Variants in UGT1A7 observed in about 807,000 individuals in gnomAD.
The protein encoded by UGT1A7 is UDP glucuronosyltransferase family 1 member A7, also known as UDP-glucuronosyltransferase 1A7.
UGT1A7 carries 33 observed loss-of-function variants against 45.6 expected under a neutral mutation model. The ratio of observed to expected loss-of-function variants is 0.72; its 90% CI spans 0.55 to 0.97. The LOEUF (loss-of-function observed/expected upper bound fraction) is 0.97, where lower values mean the gene tolerates loss of function less well. UGT1A7 is among the 50% of genes least tolerant of loss of function. The probability of loss-of-function intolerance (pLI) is 0.00; values close to 1 mark genes in which losing one functional copy is unlikely to be tolerated. For synonymous variants in UGT1A7, 274 were observed against 250.6 expected, an observed-to-expected ratio of 1.09 and a Z score of -0.88; for missense variants, 684 against 666.2, an observed-to-expected ratio of 1.03 and a Z score of -0.29.
intron 1 of UGT1A7, chr2:233,693,591 A>T: frequency 6.2e-7 from 1 of 1,614,232 alleles, no homozygotes; most frequent in Non-Finnish European, 8.5e-7. Context: ...CCCAGGTGCT[A>T]CACAAAGTTT....
Position 233,682,122 on chromosome 2 carries a change from T to C in UGT1A7, c.185T>C (p.Val62Ala). The change falls in exon 1 of 5, where the codon GTG becomes GCG. Residue 62 changes from valine (V) to alanine (A), a missense_variant. Coordinates refer to ENST00000373426, the MANE Select transcript of UGT1A7 (RefSeq NM_019077.3). Reference protein sequence around the residue: ...GHEVVVVMPEVSWQLGRSLNC... With the variant: ...GHEVVVVMPEASWQLGRSLNC... Reference sequence around the variant, plus strand: ...GAGGTGGTCGTAGTCATGCCAGAGGTGAGTTGGCAACTGGGAAGATCACTG... The same window carrying C: ...GAGGTGGTCGTAGTCATGCCAGAGGCGAGTTGGCAACTGGGAAGATCACTG... 6.2e-7 allele frequency: 1 copy of C among 1,614,094 alleles called. No individual in the cohort carries two copies. The highest frequency in any genetic ancestry group is 8.5e-7 in the Non-Finnish European group (1 of 1,180,008).
intron 1 of UGT1A7, chr2:233,690,819 A>T: frequency 9.3e-7 from 1 of 1,070,628 alleles, no homozygotes; most frequent in Non-Finnish European, 1.1e-6. Context: ...GTACAGTCAA[A>T]GCTCACAGGA....
At chr2:233,713,274 G>A in intron 1 of UGT1A7, 1 of 1,614,182 alleles carries the variant, frequency 6.2e-7, no homozygotes, top group Non-Finnish European at 8.5e-7. Flanking sequence ...CCTTTTGCTG[G>A]GTCACACTCA....
intron 1 of UGT1A7, among the ~76,000 whole-genome samples, chr2:233,765,026 C>T (rs2741015): frequency 2.6e-5 from 4 of 151,980 alleles, no homozygotes; most frequent in Admixed American, 2.0e-4. Context: ...TGGCAGGAGT[C>T]CTGCTGTGCA....
Position 233,682,616 on chromosome 2 carries a change from G to A in UGT1A7, c.679G>A (p.Val227Ile). 2 of 1,613,848 alleles carry A rather than the reference G, an allele frequency of 1.2e-6. No individual in the cohort carries two copies. Among genetic ancestry groups the A allele is most frequent in the Non-Finnish European group, 1.7e-6 (2 of 1,179,820 alleles). ...HLFCPYFFKN[V>I]LEIASEILQT... ...ATTTTGCCCCTATTTTTTCAAAAAT[G>A]TCTTAGAAATAGCCTCTGAAATTCT... Residue 227 changes from valine to isoleucine, a missense_variant, in exon 1 of 5, where the codon GTC becomes ATC. Physicochemically the swap from Val to Ile is conservative, Grantham distance 29. Transcript: ENST00000373426.
intron 1 of UGT1A7, among the ~76,000 whole-genome samples, chr2:233,766,324 C>T (rs1363274147): frequency 2.0e-5 from 3 of 152,132 alleles, no homozygotes; most frequent in East Asian, 1.9e-4. Context: ...AGCCAAACTC[C>T]GCGTTGTTCT....
At chr2:233,710,115 A>G (rs893125618) in intron 1 of UGT1A7, among the ~76,000 whole-genome samples, 1 of 152,072 alleles carries the variant, frequency 6.6e-6, no homozygotes, top group Non-Finnish European at 1.5e-5. Flanking sequence ...ATTCGTTTCT[A>G]TTTCCGAGTA....
chr2:233,745,744 G>A (rs1406161320), intron 1 of UGT1A7, among the ~76,000 whole-genome samples: 1 of 149,304 alleles, frequency 6.7e-6, no homozygotes, highest in Non-Finnish European at 1.5e-5. Context: ...GAGGGAGGGG[G>A]CAAGCAGAAG....
intron 1 of UGT1A7, among the ~76,000 whole-genome samples, chr2:233,698,748 A>C (rs12988520): frequency 0.51 from 77,361 of 152,166 alleles, 20,265 homozygotes; most frequent in South Asian, 0.59. Flanking sequence ...TTTTTACATA[A>C]TGCTATGATT....
chr2:233,772,778 T>C lies in UGT1A7; in HGVS notation c.*219T>C. The C allele has an allele frequency of 5.4e-6, 7 of 1,295,644 alleles. No individual in the cohort carries two copies. The highest frequency in any genetic ancestry group is 7.1e-6 in the Non-Finnish European group (7 of 982,368). The allele number at this position is 1,295,644 out of a possible 1,614,324, so 80.3% of individuals were successfully genotyped here. On this transcript the variant is annotated 3_prime_UTR_variant, in exon 5 of 5. Coordinates refer to ENST00000373426, the MANE Select transcript of UGT1A7 (RefSeq NM_019077.3). Reference sequence around the variant, plus strand: ...ATGTATCGTGCCCCCTCTGGTGTCTTTGATCAGGATGACATGTGCCATTTT... The same window carrying C: ...ATGTATCGTGCCCCCTCTGGTGTCTCTGATCAGGATGACATGTGCCATTTT...
chr2:233,743,602 G>A (rs1559387317), intron 1 of UGT1A7: 9 of 1,367,156 alleles, frequency 6.6e-6, no homozygotes, highest in African/African-American at 3.0e-5. Flanking sequence ...GGTCCTGGCC[G>A]CCGAAGAACT....
chr2:233,687,123 C>T (rs1356215553), intron 1 of UGT1A7, among the ~76,000 whole-genome samples: 7 of 152,126 alleles, frequency 4.6e-5, no homozygotes, highest in East Asian at 3.8e-4. Flanking sequence ...AAAAACTCAG[C>T]GTTATCTAGA....
chr2:233,729,265 G>A (rs761772546), intron 1 of UGT1A7: 3 of 1,614,128 alleles, frequency 1.9e-6, no homozygotes, highest in East Asian at 2.2e-5. Flanking sequence ...CATGCGGGAG[G>A]TCTTGCGGGA....
chr2:233,729,468 G>A lies in UGT1A7; in HGVS notation c.856-37566G>A, dbSNP rs28898619. ...TTCTGAAGAAATTTTTCAGAAGTAT[G>A]GCAATGTTGAACAATATGTCTTTGG... On this transcript the variant is annotated intron_variant, in intron 1 of 4. Coordinates refer to ENST00000373426, the MANE Select transcript of UGT1A7 (RefSeq NM_019077.3). 1.9e-3 allele frequency: 3,095 copies of A among 1,614,142 alleles called. 65 individuals are homozygous for A. The African/African-American group carries it at 0.037, about 19-fold the overall frequency.
rs368401609 is a variant in UGT1A7 at position 233,757,130 on chromosome 2, G to C, written c.856-9904G>C. 6.6e-5 allele frequency among the ~76,000 whole-genome samples: 10 copies of C among 151,528 alleles called. No homozygotes were observed. The East Asian group carries it at 9.8e-4, about 15-fold the overall frequency. ...AGCAGAAGGGCTAGAGAGGAGGAAT[G>C]AGCTTGGACAGGTGGGCTGGGGTCT... On this transcript the variant is annotated intron_variant, in intron 1 of 4. Coordinates refer to ENST00000373426, the MANE Select transcript of UGT1A7 (RefSeq NM_019077.3).
At chr2:233,739,626 A>G (rs1691159649) in intron 1 of UGT1A7, among the ~76,000 whole-genome samples, 1 of 152,210 alleles carries the variant, frequency 6.6e-6, no homozygotes, top group Non-Finnish European at 1.5e-5. Flanking sequence ...CTCCCATTTG[A>G]AATGGGAACA....
chr2:233,714,477 G>T (rs45505392), intron 1 of UGT1A7, among the ~76,000 whole-genome samples: 3,255 of 152,164 alleles, frequency 0.021, 104 homozygotes, highest in African/African-American at 0.073. Context: ...ATAGGAGAAT[G>T]TTTCTTGTGA....
Position 233,682,599 on chromosome 2 carries a change from C to G in UGT1A7, c.662C>G (p.Pro221Arg). Residue 221 changes from proline (P) to arginine (R), a missense_variant, in exon 1 of 5, where the codon CCC becomes CGC. Transcript: ENST00000373426. Reference protein sequence around the residue: ...IMHLEEHLFCPYFFKNVLEIA... With the variant: ...IMHLEEHLFCRYFFKNVLEIA... The stretch of plus-strand genomic sequence containing the variant: ...CACTTGGAGGAACATTTATTTTGCC[C>G]CTATTTTTTCAAAAATGTCTTAGAA... 4 of 1,613,876 alleles carry G rather than the reference C, an allele frequency of 2.5e-6. No homozygotes were observed. In the South Asian group the frequency reaches 4.4e-5, roughly 18 times the overall value.
intron 1 of UGT1A7, chr2:233,690,455 C>G (rs1165670819): frequency 7.8e-7 from 1 of 1,287,146 alleles, no homozygotes; most frequent in South Asian, 1.2e-5. Flanking sequence ...ATTCAAAATG[C>G]CAGCTATCCT....
Sources: allele counts gnomAD v4.1 joint callset (sites outside exome capture counted in the v4.1 genomes callset), GRCh38; gene constraint gnomAD v4.1.1; transcripts MANE v1.5; gene names NCBI Gene and HGNC (gene_info 2026-07-23, HGNC 2026-07-21).